The following DIAPH3 variants were observed in gnomAD, a reference collection of about 807,000 sequenced individuals.
DIAPH3 encodes the protein protein diaphanous homolog 3.
Under a neutral mutation model 144.3 loss-of-function variants are expected in DIAPH3, and 117 were observed. That is an observed-to-expected ratio of 0.81 (90% CI 0.70 to 0.95). The LOEUF is 0.95. DIAPH3 is among the 40% of genes least tolerant of loss of function. DIAPH3 has a pLI of 0.00. For missense variants in DIAPH3, 1,421 were observed against 1,412.7 expected (o/e 1.01, Z -0.09); for synonymous variants, 519 against 488.9 (o/e 1.06, Z -0.81).
intron 27 of DIAPH3, among the ~76,000 whole-genome samples, chr13:59,756,452 GGAAGGAAGGAAGGAAA>G (rs1566266076): frequency 7.0e-6 from 1 of 141,894 alleles, no homozygotes; most frequent in African/African-American, 2.6e-5. Context: ...AAAGAAGGAA[GGAAGGAAGGAAGGAAA>G]GAAGGAAGGA....
Position 59,911,932 on chromosome 13 carries a change from T to C in DIAPH3, c.2266-96A>G, listed in dbSNP as rs2047014660. Reference sequence around the variant, plus strand: ...AACTACTGAAAGAAAACCAGTGAAGTTAATCTTCAGTTTTATTTCTAGGTA... The same window carrying C: ...AACTACTGAAAGAAAACCAGTGAAGCTAATCTTCAGTTTTATTTCTAGGTA... On this transcript the variant is annotated intron_variant, in intron 19 of 27. Transcript: ENST00000400324. 6 of 997,846 alleles carry C rather than the reference T, an allele frequency of 6.0e-6. No homozygotes were observed. In the Admixed American group the frequency reaches 1.3e-4, roughly 21 times the overall value. The allele number at this position is 997,846 out of a possible 1,614,324, so 61.8% of individuals were successfully genotyped here. A position where few individuals can be genotyped will look rare whatever the true frequency, so the allele number is the denominator to read the frequency against.
rs148893562 is a variant in DIAPH3, at chr13:59,770,141, T to C, written c.3319+4048A>G. Among the ~76,000 whole-genome samples, 17 of 152,114 alleles carry C rather than the reference T, an allele frequency of 1.1e-4. 1 individual carries two copies. The East Asian group carries it at 2.9e-3, about 26-fold the overall frequency. ...TATGCATAGACCAAACAATCAAATA[T>C]CTCCTTTTGATGATAGATAACTTCA... On this transcript the variant is annotated intron_variant, in intron 27 of 27. Coordinates refer to ENST00000400324, the MANE Select transcript of DIAPH3 (RefSeq NM_001042517.2).
intron 14 of DIAPH3, among the ~76,000 whole-genome samples, chr13:59,977,800 T>C (rs949892777): frequency 1.3e-5 from 2 of 151,826 alleles, no homozygotes; most frequent in Non-Finnish European, 2.9e-5. Context: ...AAAGTGTTGT[T>C]ATTTGGGGAA....
intron 22 of DIAPH3, among the ~76,000 whole-genome samples, chr13:59,848,307 C>CTTTTTTT (rs71089517): frequency 3.9e-5 from 5 of 128,066 alleles, no homozygotes; most frequent in East Asian, 2.3e-4. Flanking sequence ...AAAGTCAAAT[C>CTTTTTTT]TTTTTTTTTT....
Position 59,665,687 on chromosome 13 carries a change from T to G in DIAPH3, c.*897A>C, listed in dbSNP as rs191144007. 4.5e-4 allele frequency: 68 copies of G among 152,804 alleles called. No homozygotes were observed. The highest frequency in any genetic ancestry group is 1.9e-4 in the Non-Finnish European group (13 of 68,032). The allele number at this position is 152,804 out of a possible 1,614,324, so 9.5% of individuals were successfully genotyped here. On this transcript the variant is annotated 3_prime_UTR_variant, in exon 28 of 28. Transcript: ENST00000400324. ...ATATTACATTTGCTTAGGAAAACTTTCCTTGAAACACTTATTTAGATCTTT... is the reference window on the plus strand; with the variant it reads ...ATATTACATTTGCTTAGGAAAACTTGCCTTGAAACACTTATTTAGATCTTT...
At chr13:59,872,651 A>AG (rs1566446107) in intron 21 of DIAPH3, among the ~76,000 whole-genome samples, 2 of 152,260 alleles carry the variant, frequency 1.3e-5, no homozygotes, top group African/African-American at 2.4e-5. Flanking sequence ...GACACTTCTT[A>AG]GAGTATCAGG....
At chr13:60,098,972 AT>A (rs1300974280) in intron 3 of DIAPH3, among the ~76,000 whole-genome samples, 1 of 152,236 alleles carries the variant, frequency 6.6e-6, no homozygotes, top group Non-Finnish European at 1.5e-5. Flanking sequence ...TACCCTTTAA[AT>A]GGAAAAATCT....
At chr13:59,931,355 T>G (rs2048006982) in intron 17 of DIAPH3, among the ~76,000 whole-genome samples, 1 of 152,156 alleles carries the variant, frequency 6.6e-6, no homozygotes, top group Non-Finnish European at 1.5e-5. Context: ...CTGTAGTCTC[T>G]CCACTACAGT....
chr13:60,027,674 C>T (rs944811894), intron 5 of DIAPH3, among the ~76,000 whole-genome samples: 2 of 151,852 alleles, frequency 1.3e-5, no homozygotes, highest in African/African-American at 4.8e-5. Context: ...AACTTAAGTC[C>T]ACTATTAAAA....
intron 3 of DIAPH3, among the ~76,000 whole-genome samples, chr13:60,099,404 C>T (rs750130557): frequency 6.6e-5 from 10 of 152,064 alleles, no homozygotes; most frequent in Non-Finnish European, 1.5e-4. Context: ...TGGTGGGATG[C>T]GAAAACACAA....
At chr13:59,697,144 G>A (rs573481121) in intron 27 of DIAPH3, among the ~76,000 whole-genome samples, 1 of 151,906 alleles carries the variant, frequency 6.6e-6, no homozygotes, top group African/African-American at 2.4e-5. Flanking sequence ...GGATAGGTAA[G>A]ACAGCAGAAA....
intron 27 of DIAPH3, among the ~76,000 whole-genome samples, chr13:59,739,657 G>C (rs2036346099): frequency 6.6e-6 from 1 of 152,028 alleles, no homozygotes; most frequent in Non-Finnish European, 1.5e-5. Context: ...CTGAGACATA[G>C]AGAGATTAAA....
At chr13:59,701,185 C>A (rs1044375675) in intron 27 of DIAPH3, among the ~76,000 whole-genome samples, 1 of 152,142 alleles carries the variant, frequency 6.6e-6, no homozygotes, top group Non-Finnish European at 1.5e-5. Context: ...TTCCATTGTA[C>A]CTACCTTGAG....
At chr13:59,931,697 G>A (rs1051688837) in intron 17 of DIAPH3, among the ~76,000 whole-genome samples, 1 of 152,144 alleles carries the variant, frequency 6.6e-6, no homozygotes, top group African/African-American at 2.4e-5. Context: ...GAGTAAAAGA[G>A]AATAAAGAGG....
chr13:59,963,708 G>A (rs1392367357), intron 17 of DIAPH3, among the ~76,000 whole-genome samples: 1 of 152,092 alleles, frequency 6.6e-6, no homozygotes, highest in African/African-American at 2.4e-5. Context: ...AATAGAGACA[G>A]GGTCTCACTC....
At chr13:59,736,000 TATC>T (rs2036133314) in intron 27 of DIAPH3, among the ~76,000 whole-genome samples, 1 of 152,150 alleles carries the variant, frequency 6.6e-6, no homozygotes, top group Non-Finnish European at 1.5e-5. Context: ...GTCCATGTGT[TATC>T]ATCATTTAGC....
chr13:59,710,513 A>T (rs1227299962), intron 27 of DIAPH3, among the ~76,000 whole-genome samples: 1 of 152,220 alleles, frequency 6.6e-6, no homozygotes, highest in African/African-American at 2.4e-5. Context: ...ATTGTTAAAC[A>T]ATCAAGGGAG....
At chr13:59,786,892 T>G (rs1363172171) in intron 25 of DIAPH3, among the ~76,000 whole-genome samples, 3 of 152,130 alleles carry the variant, frequency 2.0e-5, no homozygotes, top group Non-Finnish European at 4.4e-5. Context: ...GAGGATCACT[T>G]GAACCCAAGA....
chr13:59,758,231 G>A (rs1383028046), intron 27 of DIAPH3, among the ~76,000 whole-genome samples: 1 of 152,064 alleles, frequency 6.6e-6, no homozygotes, highest in African/African-American at 2.4e-5. Flanking sequence ...TCTGATAGAA[G>A]CAAAAGACAT....
Sources: gnomAD v4.1 joint callset for allele counts (sites outside exome capture counted in the v4.1 genomes callset) on GRCh38, gnomAD v4.1.1 for gene constraint, MANE v1.5 for transcripts, NCBI Gene and HGNC (gene_info 2026-07-23, HGNC 2026-07-21) for gene names.